CTNND2: variants seen among roughly 807,000 people sequenced by gnomAD.
CTNND2 encodes catenin delta 2, also known as catenin delta-2.
Under a neutral mutation model 144.4 loss-of-function variants are expected in CTNND2, and 22 were observed. The ratio of observed to expected loss-of-function variants is 0.15; its 90% CI spans 0.11 to 0.22. CTNND2 has a LOEUF of 0.22. CTNND2 is among the 10% of genes least tolerant of loss of function. The probability of loss-of-function intolerance (pLI) is 1.00; values close to 1 mark genes in which losing one functional copy is unlikely to be tolerated. For missense variants in CTNND2, 1,353 were observed against 1,618.8 expected (o/e 0.84, Z 2.82); for synonymous variants, 751 against 695.6 (o/e 1.08, Z -1.25).
intron 3 of CTNND2, among the ~76,000 whole-genome samples, chr5:11,553,491 T>C (rs1170689503): frequency 6.6e-6 from 1 of 152,232 alleles, no homozygotes; most frequent in African/African-American, 2.4e-5. Flanking sequence ...GTATGTGAGA[T>C]GGTTTACTTA....
intron 1 of CTNND2, among the ~76,000 whole-genome samples, chr5:11,887,575 T>C (rs1343583442): frequency 6.6e-6 from 1 of 152,160 alleles, no homozygotes; most frequent in Non-Finnish European, 1.5e-5. Context: ...TTTTAGGACC[T>C]AATTTCTCCT....
intron 1 of CTNND2, among the ~76,000 whole-genome samples, chr5:11,807,072 T>A (rs1792044989): frequency 6.6e-6 from 1 of 152,156 alleles, no homozygotes; most frequent in African/African-American, 2.4e-5. Context: ...AATGCTTATA[T>A]CACCCCTGCT....
chr5:11,142,628 G>A (rs989002219), intron 12 of CTNND2, among the ~76,000 whole-genome samples: 1 of 58,690 alleles, frequency 1.7e-5, no homozygotes, highest in African/African-American at 5.7e-5. Context: ...TTTTTTTTTT[G>A]TTTGAGGCAG....
At chr5:11,331,743 A>T (rs77473150) in intron 9 of CTNND2, among the ~76,000 whole-genome samples, 6,851 of 152,194 alleles carry the variant, frequency 0.045, 354 homozygotes, top group African/African-American at 0.13. Flanking sequence ...TTATAGAATA[A>T]TATTATGTCA....
intron 3 of CTNND2, among the ~76,000 whole-genome samples, chr5:11,452,488 C>T (rs1042494892): frequency 2.6e-5 from 4 of 152,130 alleles, no homozygotes; most frequent in African/African-American, 7.2e-5. Flanking sequence ...CTCCTTCCTC[C>T]CAGGAAATTC....
intron 11 of CTNND2, among the ~76,000 whole-genome samples, chr5:11,178,783 G>A (rs1162892788): frequency 1.3e-5 from 2 of 152,024 alleles, no homozygotes; most frequent in African/African-American, 4.8e-5. Context: ...ATTTTAAGTT[G>A]GCAAAGAATG....
chr5:11,048,626 C>G (rs1745522736), intron 16 of CTNND2, among the ~76,000 whole-genome samples: 1 of 152,150 alleles, frequency 6.6e-6, no homozygotes, highest in African/African-American at 2.4e-5. Flanking sequence ...GTTGAGCTGA[C>G]AGGTAGAGTC....
At chr5:11,082,640 C>G (rs1749697520) in intron 16 of CTNND2, 56 bp downstream of exon 16, 2 of 1,592,066 alleles carry the variant, frequency 1.3e-6, no homozygotes, top group East Asian at 2.2e-5. Context: ...ACACCTACCC[C>G]TAGAGAAAAT....
intron 2 of CTNND2, among the ~76,000 whole-genome samples, chr5:11,593,549 T>A (rs543893602): frequency 1.0e-3 from 153 of 152,232 alleles, no homozygotes; most frequent in Non-Finnish European, 1.7e-3. Flanking sequence ...TGGTGGGAGG[T>A]AACTGAATCA....
intron 3 of CTNND2, among the ~76,000 whole-genome samples, chr5:11,434,373 C>T (rs1235944596): frequency 6.6e-6 from 1 of 152,158 alleles, no homozygotes; most frequent in East Asian, 1.9e-4. Flanking sequence ...AACCAACTTC[C>T]TGGGAAGACA....
chr5:11,592,386 T>C (rs1488422477), intron 2 of CTNND2, among the ~76,000 whole-genome samples: 1 of 152,164 alleles, frequency 6.6e-6, no homozygotes, highest in East Asian at 1.9e-4. Context: ...TCTGGGAAGA[T>C]ACGTGTAAAC....
intron 2 of CTNND2, among the ~76,000 whole-genome samples, chr5:11,654,042 T>G (rs565163271): frequency 6.6e-6 from 1 of 152,228 alleles, no homozygotes; most frequent in East Asian, 1.9e-4. Flanking sequence ...CAAAGACTAG[T>G]TGACCGTATG....
chr5:11,079,142 T>G (rs1376997645), intron 16 of CTNND2, among the ~76,000 whole-genome samples: 1 of 124,014 alleles, frequency 8.1e-6, no homozygotes, highest in African/African-American at 3.8e-5. Context: ...AAAAGAACCA[T>G]GTAACTATAA....
chr5:11,238,641 G>C (rs2149899922), intron 9 of CTNND2, among the ~76,000 whole-genome samples: 1 of 152,194 alleles, frequency 6.6e-6, no homozygotes, highest in Non-Finnish European at 1.5e-5. Context: ...TCTATTTAAT[G>C]TGCACTGAGC....
In CTNND2 at chr5:11,364,687, A is replaced by C; in HGVS notation, c.1372+9T>G. ...GGACAGGCCACCCAGTGGGGTCCTG[A>C]TTACACACCTGTGCTCGTGCGGTAG... is the stretch of plus-strand genomic sequence containing the variant. On this transcript the variant is annotated intron_variant, in intron 8 of 21. Transcript: ENST00000304623. The C allele has an allele frequency of 6.2e-7, 1 of 1,602,166 alleles. No homozygotes were observed. Among genetic ancestry groups the C allele is most frequent in the Non-Finnish European group, 8.5e-7 (1 of 1,176,258 alleles).
intron 3 of CTNND2, among the ~76,000 whole-genome samples, chr5:11,495,281 A>G (rs1769823539): frequency 6.6e-6 from 1 of 152,206 alleles, no homozygotes; most frequent in Non-Finnish European, 1.5e-5. Context: ...AAGATTAGTA[A>G]TCATTTACTA....
At position 11,128,965 on chromosome 5, in the gene CTNND2, A is replaced by ATATATT. The variant is rs1561351061; in HGVS notation, c.2160-11399_2160-11398insAATATA. ...TTATATATAATATATAAATATATAT[A>ATATATT]ATATATAATATATAAATATATATAA... On this transcript the variant is annotated intron_variant, in intron 12 of 21. Coordinates refer to ENST00000304623, the MANE Select transcript of CTNND2 (RefSeq NM_001332.4). Among the ~76,000 whole-genome samples, 27 of 28,412 alleles carry ATATATT rather than the reference A, an allele frequency of 9.5e-4. 1 individual carries two copies. Among genetic ancestry groups the ATATATT allele is most frequent in the African/African-American group, 2.4e-3 (27 of 11,140 alleles). 18.6% of individuals were successfully genotyped at this position (28,412 alleles called of 152,430 possible). A position where few individuals can be genotyped will look rare whatever the true frequency, so the allele number is the denominator to read the frequency against.
chr5:11,606,742 C>T (rs1394460043), intron 2 of CTNND2, among the ~76,000 whole-genome samples: 2 of 151,962 alleles, frequency 1.3e-5, no homozygotes, highest in Non-Finnish European at 2.9e-5. Flanking sequence ...ATATGTGTTC[C>T]CAGGATACCT....
intron 2 of CTNND2, among the ~76,000 whole-genome samples, chr5:11,596,595 G>GT (rs1471517266): frequency 1.3e-5 from 2 of 152,180 alleles, no homozygotes; most frequent in African/African-American, 2.4e-5. Context: ...ACATCAAAGC[G>GT]TAACTATATA....
Sources: allele counts gnomAD v4.1 joint callset (sites outside exome capture counted in the v4.1 genomes callset), GRCh38; gene constraint gnomAD v4.1.1; transcripts MANE v1.5; gene names NCBI Gene and HGNC (gene_info 2026-07-23, HGNC 2026-07-21).